Variants in MGAT4C observed in about 807,000 individuals in gnomAD.
The protein encoded by MGAT4C is MGAT4 family member C, also known as alpha-1,3-mannosyl-glycoprotein 4-beta-N-acetylglucosaminyltransferase C.
A neutral mutation model predicts 40.1 loss-of-function variants in MGAT4C; 19 were observed. The ratio of observed to expected loss-of-function variants is 0.47; its 90% CI spans 0.33 to 0.70. MGAT4C has a LOEUF of 0.70. Ranked by LOEUF, MGAT4C falls within the 30% of genes least tolerant of loss-of-function variation. The pLI is 0.02. For missense variants in MGAT4C, 491 were observed against 563.2 expected (o/e 0.87, Z 1.30); for synonymous variants, 181 against 187.1 (o/e 0.97, Z 0.27).
chr12:86,829,951 A>G (rs11104116), intron 1 of MGAT4C, among the ~76,000 whole-genome samples: 2 of 151,302 alleles, frequency 1.3e-5, no homozygotes, highest in East Asian at 3.9e-4. Context: ...TATATAATAA[A>G]AAATGCATTG....
chr12:86,122,985 GA>G (rs1168153726), intron 1 of MGAT4C, among the ~76,000 whole-genome samples: 1 of 152,096 alleles, frequency 6.6e-6, no homozygotes, highest in Non-Finnish European at 1.5e-5. Context: ...TGGCCAGTAG[GA>G]TATCACTGCT....
At chr12:86,679,247 C>A (rs1278348696) in intron 2 of MGAT4C, among the ~76,000 whole-genome samples, 1 of 152,102 alleles carries the variant, frequency 6.6e-6, no homozygotes, top group African/African-American at 2.4e-5. Context: ...AGTGTCTGTT[C>A]ATATCCTTCA....
rs181557472 is a variant in MGAT4C at position 86,060,157 on chromosome 12, G to A, written c.-56-10434C>T. Among the ~76,000 whole-genome samples, 284 of 152,208 alleles carry A rather than the reference G, an allele frequency of 1.9e-3. 1 individual carries two copies. Among genetic ancestry groups the A allele is most frequent in the Middle Eastern group, 6.8e-3 (2 of 294 alleles). On this transcript the variant is annotated intron_variant, in intron 1 of 4. Coordinates refer to ENST00000611864, the MANE Select transcript of MGAT4C (RefSeq NM_001351288.2). ...TGACAGATCTATTTATAGGTCAAGG[G>A]CTCTACTAAGCTTTCTGACACACAA... is the stretch of plus-strand genomic sequence containing the variant.
At chr12:86,184,218 A>G (rs1220516441) in intron 1 of MGAT4C, among the ~76,000 whole-genome samples, 1 of 152,028 alleles carries the variant, frequency 6.6e-6, no homozygotes, top group Non-Finnish European at 1.5e-5. Context: ...CTCTACTAAA[A>G]ATACAAAAAT....
chr12:85,997,546 T>G (rs899279681), intron 2 of MGAT4C, among the ~76,000 whole-genome samples: 1 of 152,154 alleles, frequency 6.6e-6, no homozygotes, highest in East Asian at 1.9e-4. Flanking sequence ...ACTGCCTAGA[T>G]ACAATGGAGG....
intron 1 of MGAT4C, among the ~76,000 whole-genome samples, chr12:86,746,347 A>G (rs2136136274): frequency 6.6e-6 from 1 of 151,706 alleles, no homozygotes; most frequent in South Asian, 2.1e-4. Flanking sequence ...AAATGTACTG[A>G]TTTATCCTCC....
At position 86,178,171 on chromosome 12, in the gene MGAT4C, T is replaced by C. The variant is rs186056248; in HGVS notation, c.-57+78068A>G. 7.3e-3 allele frequency among the ~76,000 whole-genome samples: 1,108 copies of C among 152,228 alleles called. 14 individuals are homozygous for C. Among genetic ancestry groups the C allele is most frequent in the African/African-American group, 0.024 (1,002 of 41,546 alleles). The stretch of plus-strand genomic sequence containing the variant: ...CAGGATGGTCTTGATCTCCTGACCT[T>C]GTGATCCGCCCGCCTTGGCCTCCCA... On this transcript the variant is annotated intron_variant, in intron 1 of 4. Coordinates refer to ENST00000611864, the MANE Select transcript of MGAT4C (RefSeq NM_001351288.2).
chr12:86,648,431 A>G (rs1170459970), intron 2 of MGAT4C, among the ~76,000 whole-genome samples: 2 of 151,860 alleles, frequency 1.3e-5, no homozygotes, highest in Non-Finnish European at 2.9e-5. Flanking sequence ...TTGGGAGGTT[A>G]TTAGAGTAAG....
intron 3 of MGAT4C, among the ~76,000 whole-genome samples, chr12:86,347,004 G>A (rs572681797): frequency 7.9e-5 from 12 of 152,146 alleles, no homozygotes; most frequent in Non-Finnish European, 1.2e-4. Flanking sequence ...CCAGTGGTTT[G>A]CCAGGGGCTC....
At chr12:86,095,590 C>T (rs1312844554) in intron 1 of MGAT4C, among the ~76,000 whole-genome samples, 4 of 150,656 alleles carry the variant, frequency 2.7e-5, no homozygotes, top group Admixed American at 2.6e-4. Context: ...ATGCTTTATG[C>T]ATGCTTTTAG....
At chr12:86,195,278 T>A (rs553624487) in intron 1 of MGAT4C, among the ~76,000 whole-genome samples, 2 of 152,170 alleles carry the variant, frequency 1.3e-5, no homozygotes, top group Admixed American at 6.5e-5. Flanking sequence ...AGTTCTTTAA[T>A]ATTTTATAAT....
intron 3 of MGAT4C, among the ~76,000 whole-genome samples, chr12:86,411,416 C>T (rs373086961): frequency 6.6e-6 from 1 of 152,190 alleles, no homozygotes; most frequent in African/African-American, 2.4e-5. Context: ...GTAAAGACAA[C>T]TCTTACTACG....
At chr12:86,096,663 C>T (rs563351881) in intron 1 of MGAT4C, among the ~76,000 whole-genome samples, 38 of 151,560 alleles carry the variant, frequency 2.5e-4, no homozygotes, top group Admixed American at 2.5e-3. Context: ...TTTATATCCT[C>T]TATCACTTTT....
At chr12:86,344,717 G>GGTGTGTGTGTGTGT (rs71076188) in intron 3 of MGAT4C, among the ~76,000 whole-genome samples, 8 of 139,414 alleles carry the variant, frequency 5.7e-5, no homozygotes, top group Admixed American at 3.7e-4. Context: ...ATCTCTTCTC[G>GGTGTGTGTGTGTGT]GTGTGTGTGT....
chr12:86,103,332 G>C (rs1237247343), intron 1 of MGAT4C, among the ~76,000 whole-genome samples: 1 of 152,140 alleles, frequency 6.6e-6, no homozygotes, highest in African/African-American at 2.4e-5. Context: ...GTGGCCCCAA[G>C]TATATGCATG....
chr12:86,549,827 C>T (rs1237451664), intron 2 of MGAT4C, among the ~76,000 whole-genome samples: 1 of 152,162 alleles, frequency 6.6e-6, no homozygotes, highest in African/African-American at 2.4e-5. Context: ...CATATGGAGA[C>T]ACCCAGCCTC....
intron 2 of MGAT4C, among the ~76,000 whole-genome samples, chr12:86,041,329 A>T: frequency 6.6e-6 from 1 of 150,904 alleles, no homozygotes; most frequent in African/African-American, 2.4e-5. Flanking sequence ...TTCAGTTCTG[A>T]TTTTGGTTAT....
intron 4 of MGAT4C, among the ~76,000 whole-genome samples, chr12:86,296,501 G>T (rs995960752): frequency 6.6e-6 from 1 of 152,200 alleles, no homozygotes; most frequent in Non-Finnish European, 1.5e-5. Context: ...TCATGGAGGT[G>T]GGGGACGGCT....
At chr12:86,451,857 C>T (rs1957429390) in intron 2 of MGAT4C, among the ~76,000 whole-genome samples, 1 of 152,256 alleles carries the variant, frequency 6.6e-6, no homozygotes, top group South Asian at 2.1e-4. Context: ...ACTAAACACA[C>T]ACAATTTTAA....
Sources: allele counts gnomAD v4.1 joint callset (sites outside exome capture counted in the v4.1 genomes callset), GRCh38; gene constraint gnomAD v4.1.1; transcripts MANE v1.5; gene names NCBI Gene and HGNC (gene_info 2026-07-23, HGNC 2026-07-21).